HPS3: variants seen among roughly 807,000 people sequenced by gnomAD.
HPS3 encodes the protein HPS3 biogenesis of lysosomal organelles complex 2 subunit 1.
A neutral mutation model predicts 110.9 loss-of-function variants in HPS3; 79 were observed. That is an observed-to-expected ratio of 0.71 (90% CI 0.59 to 0.86). The LOEUF (loss-of-function observed/expected upper bound fraction) is 0.86, where lower values mean the gene tolerates loss of function less well. Ranked by LOEUF, HPS3 falls within the 40% of genes least tolerant of loss-of-function variation. HPS3 has a pLI of 0.00. For synonymous variants in HPS3, 428 were observed against 451.0 expected (o/e 0.95, Z 0.65); for missense variants, 1,197 against 1,206.2 (o/e 0.99, Z 0.11).
At chr3:149,131,998 C>T (rs1721807644) in intron 1 of HPS3, among the ~76,000 whole-genome samples, 1 of 152,212 alleles carries the variant, frequency 6.6e-6, no homozygotes. Flanking sequence ...TCTGTGAATG[C>T]TGAGAGAGGT....
rs1157223288 is a variant in HPS3 at position 149,141,316 on chromosome 3, G to A, written c.906G>A (p.Ser302=). Residue 302 remains serine, a synonymous_variant, in exon 4 of 17, where the codon TCG becomes TCA. Transcript: ENST00000296051. ...ACAGACGTTTTGCTCCTGATATTTC[G>A]TCCTATGTCTTGTCTGATGACATCA... The part of the protein sequence containing the change: ...LLYRRFAPDI[S]SYVLSDDIKL... The A allele has an allele frequency of 4.0e-5, 65 of 1,610,954 alleles. 1 individual carries two copies. The highest frequency in any genetic ancestry group is 5.3e-5 in the Non-Finnish European group (62 of 1,179,594).
At chr3:149,145,294 T>C (rs1722722903) in intron 4 of HPS3, 60 bp from the exon 5 acceptor site, 1 of 1,305,362 alleles carries the variant, frequency 7.7e-7, no homozygotes, top group African/African-American at 1.5e-5. Context: ...CAATATATGA[T>C]TATTTCCCCC....
chr3:149,130,287 C>CA (rs1307571208), intron 1 of HPS3: 6 of 365,842 alleles, frequency 1.6e-5, no homozygotes, highest in South Asian at 6.6e-5. Context: ...AAAGACTTAC[C>CA]AAAAAAACAA....
chr3:149,158,918 T>G, intron 10 of HPS3, 72 bp downstream of exon 10: 1 of 1,044,254 alleles, frequency 9.6e-7, no homozygotes, highest in Non-Finnish European at 1.4e-6. Context: ...TATGTAGTAC[T>G]GTTTAGAAGT....
At chr3:149,162,944 T>C (rs1724035699) in intron 13 of HPS3, 66 bp downstream of exon 13, 2 of 1,264,296 alleles carry the variant, frequency 1.6e-6, no homozygotes, top group Non-Finnish European at 2.3e-6. Flanking sequence ...CATACCTTAT[T>C]TTTAATAACT....
At chr3:149,143,625 C>T (rs939264350) in intron 4 of HPS3, among the ~76,000 whole-genome samples, 4 of 152,016 alleles carry the variant, frequency 2.6e-5, no homozygotes, top group African/African-American at 9.7e-5. Flanking sequence ...TTGAGCTGGG[C>T]CGTAATGGAT....
Position 149,129,681 on chromosome 3 carries a change from C to T in HPS3, c.-43C>T. 3 of 1,455,046 alleles carry T rather than the reference C, an allele frequency of 2.1e-6. No individual in the cohort carries two copies. The highest frequency in any genetic ancestry group is 1.3e-5 in the South Asian group (1 of 75,312). The allele number at this position is 1,455,046 out of a possible 1,614,324, so 90.1% of individuals were successfully genotyped here. On this transcript the variant is annotated 5_prime_UTR_variant, in exon 1 of 17. Coordinates refer to ENST00000296051, the MANE Select transcript of HPS3 (RefSeq NM_032383.5). ...GCGGTCAGCGCGGGGTCTCCGGGCG[C>T]CCTGCAGGGCGGGCAGGCTGTGCCA...
rs368374221 is a variant in HPS3 at position 149,170,348 on chromosome 3, G to A, written c.2888-1747G>A. Reference sequence around the variant, plus strand: ...ACTTACAGGCTCCACATTTAGGTAAGTAAACTGCTTTGATAGGAAAACATC... The same window carrying A: ...ACTTACAGGCTCCACATTTAGGTAAATAAACTGCTTTGATAGGAAAACATC... On this transcript the variant is annotated intron_variant, in intron 16 of 16. Coordinates refer to ENST00000296051, the MANE Select transcript of HPS3 (RefSeq NM_032383.5). 7 of 152,282 alleles carry A rather than the reference G, an allele frequency of 4.6e-5. No individual in the cohort carries two copies. The South Asian group carries it at 8.3e-4, about 18-fold the overall frequency. The allele number at this position is 152,282 out of a possible 1,614,324, so 9.4% of individuals were successfully genotyped here.
chr3:149,160,628 A>C (rs965707706), intron 11 of HPS3, among the ~76,000 whole-genome samples: 1 of 152,198 alleles, frequency 6.6e-6, no homozygotes, highest in East Asian at 1.9e-4. Flanking sequence ...TGTATTTAAG[A>C]ACAGCAAAGG....
At chr3:149,158,023 A>C (rs775466603) in intron 9 of HPS3, among the ~76,000 whole-genome samples, 21 of 152,218 alleles carry the variant, frequency 1.4e-4, no homozygotes, top group Admixed American at 6.5e-4. Context: ...AACAGCTCTA[A>C]TCATTAGAGA....
At chr3:149,141,587 G>T (rs1174773579) in intron 4 of HPS3, among the ~76,000 whole-genome samples, 14 of 143,668 alleles carry the variant, frequency 9.7e-5, no homozygotes, top group Non-Finnish European at 2.1e-4. Flanking sequence ...AGTCTGGAGT[G>T]CAGTGGTGCG....
intron 14 of HPS3, chr3:149,165,961 A>G (rs1486114280): frequency 2.2e-6 from 1 of 454,572 alleles, no homozygotes; most frequent in Admixed American, 2.4e-5. Flanking sequence ...TCTCCTGGTC[A>G]TTCCTTGGTA....
chr3:149,164,155 C>T (rs1011934373), intron 14 of HPS3, among the ~76,000 whole-genome samples: 1 of 152,136 alleles, frequency 6.6e-6, no homozygotes, highest in Non-Finnish European at 1.5e-5. Context: ...TGCTGAGCGG[C>T]TGGTTTTGTT....
intron 8 of HPS3, 87 bp from the exon 9 acceptor site, chr3:149,157,263 C>G (rs1298875745): frequency 1.7e-6 from 2 of 1,165,752 alleles, no homozygotes; most frequent in Admixed American, 1.8e-5. Context: ...GTTAACTTTA[C>G]TAACAAAATA....
intron 4 of HPS3, 101 bp downstream of exon 4, chr3:149,141,481 G>T: frequency 1.1e-6 from 1 of 915,834 alleles, no homozygotes; most frequent in Non-Finnish European, 1.8e-6. Context: ...TGGTGGTTTG[G>T]TTCTTCCACT....
rs993089127 is a variant in HPS3 at position 149,172,991 on chromosome 3, T to A, written c.*769T>A. ...GTGTCTTCATTTATAACTTTTTGTT[T>A]AAAAAATTTTTAGTTCAAGTTTAGT... On this transcript the variant is annotated 3_prime_UTR_variant, in exon 17 of 17. Coordinates refer to ENST00000296051, the MANE Select transcript of HPS3 (RefSeq NM_032383.5). 5.9e-5 allele frequency: 9 copies of A among 152,650 alleles called. No individual in the cohort carries two copies. Among genetic ancestry groups the A allele is most frequent in the Non-Finnish European group, 1.0e-4 (7 of 68,028 alleles). The allele number at this position is 152,650 out of a possible 1,614,324, so 9.5% of individuals were successfully genotyped here.
At chr3:149,159,815 T>A (rs974541652) in intron 10 of HPS3, among the ~76,000 whole-genome samples, 3 of 152,206 alleles carry the variant, frequency 2.0e-5, no homozygotes, top group Non-Finnish European at 4.4e-5. Context: ...CTGGTACATA[T>A]TTTCATTGCT....
At chr3:149,158,547 G>T in intron 9 of HPS3, 119 bp from the exon 10 acceptor site, 1 of 984,710 alleles carries the variant, frequency 1.0e-6, no homozygotes, top group Non-Finnish European at 1.6e-6. Context: ...CAGCACTTTG[G>T]GAGGCTGAGG....
At position 149,151,590 on chromosome 3, in the gene HPS3, A is replaced by T. The variant is rs1463582326; in HGVS notation, c.1245+910A>T. On this transcript the variant is annotated intron_variant, in intron 6 of 16. Transcript: ENST00000296051. ...GAGAAGTAAAGTGCTTGGTTTCTAA[A>T]AAAAAAAAAAAAAAAAAAAAAAAAA... 1.0e-2 allele frequency among the ~76,000 whole-genome samples: 1,263 copies of T among 126,780 alleles called. 56 individuals carry two copies. Among genetic ancestry groups the T allele is most frequent in the African/African-American group, 0.04 (1,197 of 29,926 alleles). The allele number at this position is 126,780 out of a possible 152,430, so 83.2% of individuals were successfully genotyped here.
Sources: gnomAD v4.1 joint callset for allele counts (sites outside exome capture counted in the v4.1 genomes callset) on GRCh38, gnomAD v4.1.1 for gene constraint, MANE v1.5 for transcripts, NCBI Gene and HGNC (gene_info 2026-07-23, HGNC 2026-07-21) for gene names.